Variants in DLG1 observed in about 807,000 individuals in gnomAD.
DLG1 encodes the protein discs large MAGUK scaffold protein 1, also known as disks large homolog 1.
A neutral mutation model predicts 123.4 loss-of-function variants in DLG1; 42 were observed. The observed-to-expected ratio is 0.34, with a 90% CI of 0.27 to 0.44. The LOEUF is 0.44. Ranked by LOEUF, DLG1 falls within the 20% of genes least tolerant of loss-of-function variation. The pLI is 1.00. For synonymous variants in DLG1, 317 were observed against 356.2 expected, an observed-to-expected ratio of 0.89 and a Z score of 1.24; for missense variants, 942 against 1,082.6, an observed-to-expected ratio of 0.87 and a Z score of 1.82.
intron 5 of DLG1, among the ~76,000 whole-genome samples, chr3:197,176,682 C>A (rs928690264): frequency 1.3e-5 from 2 of 152,102 alleles, no homozygotes; most frequent in African/African-American, 2.4e-5. Context: ...TCTGAATGCA[C>A]CACACTTTAT....
At position 197,297,851 on chromosome 3, in the gene DLG1, C is replaced by G. The variant is rs991916800; in HGVS notation, c.-31-616G>C. ...GGAACTGGGGTGCGCCCCGGCCAGA[C>G]TCGGAGCAGCTCCCCAGCCCGGCCC... On this transcript the variant is annotated intron_variant, in intron 1 of 24. Coordinates refer to ENST00000667157, the MANE Select transcript of DLG1 (RefSeq NM_001366207.1). The G allele has an allele frequency of 1.3e-5, 13 of 985,226 alleles. No homozygotes were observed. The African/African-American group carries it at 1.9e-4, about 15-fold the overall frequency. 61.0% of individuals were successfully genotyped at this position (985,226 alleles called of 1,614,324 possible). A position where few individuals can be genotyped will look rare whatever the true frequency, so the allele number is the denominator to read the frequency against.
In DLG1 at chr3:197,065,818, A is replaced by G; in HGVS notation, c.2099-9T>C. On this transcript the variant is annotated splice_polypyrimidine_tract_variant and intron_variant, in intron 20 of 24. Transcript: ENST00000667157. Reference sequence around the variant, plus strand: ...TGGTCGAGTATAATTAACTATAAAGATAAACTGCATGTTAAAAGGAATAAA... The same window carrying G: ...TGGTCGAGTATAATTAACTATAAAGGTAAACTGCATGTTAAAAGGAATAAA... 1 of 1,440,880 alleles carries G rather than the reference A, an allele frequency of 6.9e-7. No homozygotes were observed. Among genetic ancestry groups the G allele is most frequent in the Middle Eastern group, 1.8e-4 (1 of 5,666 alleles). The allele number at this position is 1,440,880 out of a possible 1,614,324, so 89.3% of individuals were successfully genotyped here.
Position 197,044,424 on chromosome 3 carries a change from A to C in DLG1, c.*199T>G, listed in dbSNP as rs45453796. 13,766 of 393,230 alleles carry C rather than the reference A, an allele frequency of 0.035. 344 individuals carry two copies. The highest frequency in any genetic ancestry group is 0.051 in the Non-Finnish European group (11,172 of 220,382). The allele number at this position is 393,230 out of a possible 1,614,324, so 24.4% of individuals were successfully genotyped here. On this transcript the variant is annotated 3_prime_UTR_variant, in exon 25 of 25. Transcript: ENST00000667157. ...CCATCTTCAGTTCTGAAAAATGGCCACTAACCAATAGTGACATTAAATAAT... is the reference window on the plus strand; with the variant it reads ...CCATCTTCAGTTCTGAAAAATGGCCCCTAACCAATAGTGACATTAAATAAT...
chr3:197,187,070 T>A (rs1716509415), intron 5 of DLG1, among the ~76,000 whole-genome samples: 1 of 152,214 alleles, frequency 6.6e-6, no homozygotes, highest in Non-Finnish European at 1.5e-5. Context: ...TGTATTGAGA[T>A]AAGACAAGAC....
chr3:197,267,780 T>C (rs1762325616), intron 4 of DLG1, among the ~76,000 whole-genome samples: 1 of 152,232 alleles, frequency 6.6e-6, no homozygotes, highest in African/African-American at 2.4e-5. Flanking sequence ...CCATTTGGTA[T>C]GTATTTGTTC....
At chr3:197,147,169 GA>G (rs781178837) in intron 6 of DLG1, among the ~76,000 whole-genome samples, 3 of 152,206 alleles carry the variant, frequency 2.0e-5, no homozygotes, top group Admixed American at 6.5e-5. Context: ...CAGTGAAAAG[GA>G]ACACTTTTAC....
intron 9 of DLG1, among the ~76,000 whole-genome samples, chr3:197,137,094 C>G (rs151051973): frequency 6.6e-5 from 10 of 152,254 alleles, no homozygotes; most frequent in Admixed American, 1.3e-4. Flanking sequence ...ATGTGAATAC[C>G]TTTGTTCTTC....
chr3:197,196,287 C>A (rs1722484201), intron 4 of DLG1, among the ~76,000 whole-genome samples: 1 of 151,356 alleles, frequency 6.6e-6, no homozygotes, highest in Non-Finnish European at 1.5e-5. Context: ...ATGGTACAAT[C>A]ACACGGAAAA....
intron 4 of DLG1, among the ~76,000 whole-genome samples, chr3:197,254,017 TA>T (rs1755713844): frequency 6.6e-6 from 1 of 152,056 alleles, no homozygotes; most frequent in Admixed American, 6.6e-5. Context: ...GACACTTACC[TA>T]AACAGTGTAT....
At chr3:197,201,997 T>G (rs1326917517) in intron 4 of DLG1, among the ~76,000 whole-genome samples, 7 of 127,580 alleles carry the variant, frequency 5.5e-5, no homozygotes, top group South Asian at 2.4e-4. Flanking sequence ...CTTGCAGGGG[T>G]GGAGGGGTGG....
At chr3:197,049,511 T>C (rs964619461) in intron 24 of DLG1, among the ~76,000 whole-genome samples, 7 of 152,186 alleles carry the variant, frequency 4.6e-5, no homozygotes, top group South Asian at 2.1e-4. Context: ...TCCCGGCACT[T>C]TGGGAGGCCA....
At chr3:197,119,564 C>T (rs1394872842) in intron 11 of DLG1, 34 bp from the exon 12 acceptor site, 2 of 1,575,940 alleles carry the variant, frequency 1.3e-6, no homozygotes, top group East Asian at 2.3e-5. Context: ...ATACTTCAAA[C>T]ACGAAACAAG....
At chr3:197,165,696 T>G (rs554053574) in intron 5 of DLG1, among the ~76,000 whole-genome samples, 35 of 152,332 alleles carry the variant, frequency 2.3e-4, no homozygotes, top group Admixed American at 1.8e-3. Flanking sequence ...CATGGCCTTC[T>G]AAGAATGTTT....
At chr3:197,078,525 T>C (rs988924493) in intron 17 of DLG1, 2 of 152,108 alleles carry the variant, frequency 1.3e-5, no homozygotes, top group Non-Finnish European at 2.9e-5. Flanking sequence ...GTTTGAAGGC[T>C]CTGAGGAACT....
At chr3:197,187,802 A>G (rs1323430477) in intron 5 of DLG1, among the ~76,000 whole-genome samples, 2 of 152,178 alleles carry the variant, frequency 1.3e-5, no homozygotes, top group Non-Finnish European at 2.9e-5. Context: ...CTACTCTTAC[A>G]TAACCCCAAA....
chr3:197,222,716 C>T (rs1737782791), intron 4 of DLG1, among the ~76,000 whole-genome samples: 1 of 152,206 alleles, frequency 6.6e-6, no homozygotes, highest in African/African-American at 2.4e-5. Context: ...ACACCTTACA[C>T]TATTTCCCTG....
rs549703572 is a variant in DLG1 at position 197,246,693 on chromosome 3, A to G, written c.318+35986T>C. ...AGTCACCCTCTTGTTTGCGTTAATG[A>G]AAAGGTGAAATGATTTTTCTAGGGA... On this transcript the variant is annotated intron_variant, in intron 4 of 24. Coordinates refer to ENST00000667157, the MANE Select transcript of DLG1 (RefSeq NM_001366207.1). 9.2e-5 allele frequency among the ~76,000 whole-genome samples: 14 copies of G among 152,286 alleles called. No individual in the cohort carries two copies. The South Asian group carries it at 1.5e-3, about 16-fold the overall frequency.
At chr3:197,127,639 A>G (rs1780430948) in intron 11 of DLG1, among the ~76,000 whole-genome samples, 1 of 151,052 alleles carries the variant, frequency 6.6e-6, no homozygotes, top group Admixed American at 6.6e-5. Context: ...AAGAGCAAAG[A>G]AAATCCCTTT....
chr3:197,157,330 T>C (rs1796813414), intron 5 of DLG1, among the ~76,000 whole-genome samples: 1 of 152,182 alleles, frequency 6.6e-6, no homozygotes, highest in Non-Finnish European at 1.5e-5. Flanking sequence ...TTAAGCAAAG[T>C]AGCAGGATAC....
Sources: allele counts gnomAD v4.1 joint callset (sites outside exome capture counted in the v4.1 genomes callset), GRCh38; gene constraint gnomAD v4.1.1; transcripts MANE v1.5; gene names NCBI Gene and HGNC (gene_info 2026-07-23, HGNC 2026-07-21).